The following PCDHA8 variants were observed in gnomAD, a reference collection of about 807,000 sequenced individuals.
The protein encoded by PCDHA8 is protocadherin alpha 8, also known as protocadherin alpha-8.
A neutral mutation model predicts 61.8 loss-of-function variants in PCDHA8; 53 were observed. The observed-to-expected ratio is 0.86, with a 90% CI of 0.69 to 1.08. The LOEUF (loss-of-function observed/expected upper bound fraction) is 1.08. Ranked by LOEUF, PCDHA8 falls within the 50% of genes least tolerant of loss-of-function variation. The probability of loss-of-function intolerance (pLI) is 0.00; values close to 1 mark genes in which losing one functional copy is unlikely to be tolerated. For missense variants in PCDHA8, 1,293 were observed against 1,245.0 expected (o/e 1.04, Z -0.58); for synonymous variants, 618 against 556.6 (o/e 1.11, Z -1.55).
rs376600715 is a variant in PCDHA8, at chr5:140,871,207, G to A, written c.2394+27492G>A. The stretch of plus-strand genomic sequence containing the variant: ...GGATGTCAACGTGTACCTGATCATC[G>A]CCATCTGCGTGGTGTCCAGCCTCCT... On this transcript the variant is annotated intron_variant, in intron 1 of 3. Transcript: ENST00000531613. 2.2e-5 allele frequency: 36 copies of A among 1,613,642 alleles called. No individual in the cohort carries two copies. The African/African-American group carries it at 4.0e-4, about 18-fold the overall frequency.
chr5:140,898,528 TG>T (rs2066807286), intron 1 of PCDHA8, among the ~76,000 whole-genome samples: 1 of 152,236 alleles, frequency 6.6e-6, no homozygotes, highest in African/African-American at 2.4e-5. Flanking sequence ...CTGAGGGCTC[TG>T]TTCTGTTCCA....
chr5:140,844,004 C>G (rs1427252169), intron 1 of PCDHA8, among the ~76,000 whole-genome samples: 1 of 149,654 alleles, frequency 6.7e-6, no homozygotes, highest in Non-Finnish European at 1.5e-5. Context: ...CTGAACAATA[C>G]TCTAAGGACG....
intron 1 of PCDHA8, chr5:140,926,715 G>C (rs114961630): frequency 2.1e-6 from 2 of 952,238 alleles, no homozygotes; most frequent in Non-Finnish European, 1.4e-6. Flanking sequence ...GGCCAGCCCC[G>C]GCAATGCCGG....
At chr5:140,928,691 T>C (rs1554206164) in intron 1 of PCDHA8, 1 of 1,614,148 alleles carries the variant, frequency 6.2e-7, no homozygotes, top group East Asian at 2.2e-5. Context: ...TCCTACCACA[T>C]CTCCCGGGCG....
At position 141,011,517 on chromosome 5, in the gene PCDHA8, T is replaced by C. The variant is rs1397450262; in HGVS notation, c.*1580T>C. 2.6e-5 allele frequency: 4 copies of C among 153,768 alleles called. No individual in the cohort carries two copies. The highest frequency in any genetic ancestry group is 5.9e-5 in the Non-Finnish European group (4 of 68,028). The allele number at this position is 153,768 out of a possible 1,614,324, so 9.5% of individuals were successfully genotyped here. On this transcript the variant is annotated 3_prime_UTR_variant, in exon 4 of 4. Transcript: ENST00000531613. Reference sequence around the variant, plus strand: ...ACCTGTGAAAAAGTGGAGTAGTGTTTTTTTAACCATTGTTAATCAGCTTTT... The same window carrying C: ...ACCTGTGAAAAAGTGGAGTAGTGTTCTTTTAACCATTGTTAATCAGCTTTT...
At chr5:140,887,692 A>G (rs886236141) in intron 1 of PCDHA8, among the ~76,000 whole-genome samples, 1 of 152,126 alleles carries the variant, frequency 6.6e-6, no homozygotes, top group Non-Finnish European at 1.5e-5. Flanking sequence ...ATTCAGGAAA[A>G]AATCAACCAT....
At chr5:140,897,120 C>G (rs116233032) in intron 1 of PCDHA8, among the ~76,000 whole-genome samples, 4 of 152,134 alleles carry the variant, frequency 2.6e-5, no homozygotes, top group African/African-American at 9.7e-5. Context: ...TCTGTCCACA[C>G]CCCACTAAAC....
At chr5:140,933,663 C>G (rs1340033934) in intron 1 of PCDHA8, among the ~76,000 whole-genome samples, 4 of 152,128 alleles carry the variant, frequency 2.6e-5, no homozygotes, top group African/African-American at 7.2e-5. Context: ...GTCTCTCTCT[C>G]TGTCTCTCTC....
rs2150477798 is a variant in PCDHA8 at position 140,850,289 on chromosome 5, C to T, written c.2394+6574C>T. On this transcript the variant is annotated intron_variant, in intron 1 of 3. Coordinates refer to ENST00000531613, the MANE Select transcript of PCDHA8 (RefSeq NM_018911.3). ...TGGTGGGGAAGGTGCGCGCAGTGGA[C>T]GCCGACTCGGGCTACAACGCGTGGC... 1.9e-6 allele frequency: 3 copies of T among 1,595,826 alleles called. No homozygotes were observed. In the East Asian group the frequency reaches 6.7e-5, roughly 36 times the overall value.
At chr5:140,977,373 A>G (rs1167438428) in intron 1 of PCDHA8, among the ~76,000 whole-genome samples, 1 of 152,168 alleles carries the variant, frequency 6.6e-6, no homozygotes, top group Non-Finnish European at 1.5e-5. Flanking sequence ...TATTTTAGTC[A>G]TATTTCCAGG....
At chr5:140,957,080 A>G (rs2095331610) in intron 1 of PCDHA8, among the ~76,000 whole-genome samples, 1 of 152,174 alleles carries the variant, frequency 6.6e-6, no homozygotes. Flanking sequence ...CTTTTTATTA[A>G]GGAAAATGAA....
At chr5:140,947,907 C>T (rs2094191786) in intron 1 of PCDHA8, among the ~76,000 whole-genome samples, 1 of 151,546 alleles carries the variant, frequency 6.6e-6, no homozygotes, top group African/African-American at 2.4e-5. Context: ...TGAGAGCAGA[C>T]ATTCTTGCCT....
intron 1 of PCDHA8, chr5:140,877,567 T>C (rs1487907484): frequency 6.2e-7 from 1 of 1,613,664 alleles, no homozygotes; most frequent in East Asian, 2.2e-5. Context: ...TATTAACGTG[T>C]ACCTCATCAT....
At chr5:140,901,906 G>T (rs1275600408) in intron 1 of PCDHA8, among the ~76,000 whole-genome samples, 1 of 151,902 alleles carries the variant, frequency 6.6e-6, no homozygotes, top group Non-Finnish European at 1.5e-5. Context: ...TCATTGTGGA[G>T]ATCTTTCACT....
At chr5:140,895,898 G>A (rs1023440863) in intron 1 of PCDHA8, among the ~76,000 whole-genome samples, 2 of 152,016 alleles carry the variant, frequency 1.3e-5, no homozygotes, top group South Asian at 4.1e-4. Flanking sequence ...TGCAACCTCC[G>A]CGTCCCGGGC....
rs1249780500 is a variant in PCDHA8 at position 140,843,622 on chromosome 5, G to C, written c.2301G>C (p.Thr767=). ...GCTCTGGTGAGGGGCCACCGAAGAC[G>C]GACCTCATGGCCTTCAGCCCCTGCC... ...RVCSGEGPPK[T]DLMAFSPCLP... is the part of the protein sequence containing the mutation. The change falls in exon 1 of 4, where the codon ACG becomes ACC. Residue 767 remains threonine, a synonymous_variant. Transcript: ENST00000531613. The C allele has an allele frequency of 1.3e-6, 2 of 1,595,910 alleles. No individual in the cohort carries two copies. The highest frequency in any genetic ancestry group is 2.2e-5 in the East Asian group (1 of 44,842).
At chr5:140,957,490 G>T (rs921873894) in intron 1 of PCDHA8, among the ~76,000 whole-genome samples, 1 of 152,130 alleles carries the variant, frequency 6.6e-6, no homozygotes, top group South Asian at 2.1e-4. Context: ...CATAGTATAT[G>T]TAGAATTCAG....
intron 1 of PCDHA8, chr5:140,875,367 T>C (rs937879067): frequency 6.9e-7 from 1 of 1,449,048 alleles, no homozygotes; most frequent in Non-Finnish European, 9.1e-7. Context: ...CTGGAAAAAA[T>C]TTACTAAATA....
At chr5:140,983,739 G>A (rs983923811) in intron 3 of PCDHA8, among the ~76,000 whole-genome samples, 1 of 152,194 alleles carries the variant, frequency 6.6e-6, no homozygotes, top group African/African-American at 2.4e-5. Context: ...TGGCTGGCTT[G>A]CAATAATCCA....
Sources: allele counts gnomAD v4.1 joint callset (sites outside exome capture counted in the v4.1 genomes callset), GRCh38; gene constraint gnomAD v4.1.1; transcripts MANE v1.5; gene names NCBI Gene and HGNC (gene_info 2026-07-23, HGNC 2026-07-21).